ABR: variants seen among roughly 807,000 people sequenced by gnomAD.
ABR encodes active breakpoint cluster region-related protein.
Under a neutral mutation model 107.2 loss-of-function variants are expected in ABR, and 35 were observed. The ratio of observed to expected loss-of-function variants is 0.33; its 90% CI spans 0.25 to 0.43. The LOEUF is 0.43. ABR is among the 20% of genes least tolerant of loss of function. The pLI, the probability that ABR is intolerant of heterozygous loss-of-function variation, is 1.00. For synonymous variants in ABR, 498 were observed against 462.0 expected, an observed-to-expected ratio of 1.08 and a Z score of -1.00; for missense variants, 815 against 1,115.2, an observed-to-expected ratio of 0.73 and a Z score of 3.83.
intron 3 of ABR, among the ~76,000 whole-genome samples, chr17:1,096,026 T>C (rs1406630706): frequency 4.6e-5 from 7 of 152,126 alleles, no homozygotes; most frequent in Non-Finnish European, 1.0e-4. Flanking sequence ...GGCCCCAGCG[T>C]AGCAAGACAC....
rs190022367 is a variant in ABR, at chr17:1,051,564, C to T, written c.1562-930G>A. On this transcript the variant is annotated intron_variant, in intron 14 of 22. Transcript: ENST00000302538. This position sits in a 1 kb window ranked among gnomAD's most constrained non-coding sequence, Gnocchi z 4.3. Reference sequence around the variant, plus strand: ...CCCAGGCCCTCTGCAAACCCACACCCGCCCTGGGCTCGGACCCCAGCAGTC... The same window carrying T: ...CCCAGGCCCTCTGCAAACCCACACCTGCCCTGGGCTCGGACCCCAGCAGTC... Among the ~76,000 whole-genome samples, 16 of 152,334 alleles carry T rather than the reference C, an allele frequency of 1.1e-4. No individual in the cohort carries two copies. Among genetic ancestry groups the T allele is most frequent in the Non-Finnish European group, 8.8e-5 (6 of 68,028 alleles).
intron 10 of ABR, among the ~76,000 whole-genome samples, chr17:1,065,003 T>C (rs2034549542): frequency 1.2e-5 from 1 of 85,848 alleles, no homozygotes; most frequent in Non-Finnish European, 2.5e-5. Flanking sequence ...CATGTTCCTC[T>C]AGACACTGCT....
At chr17:1,091,457 C>T (rs1190202747) in intron 4 of ABR, among the ~76,000 whole-genome samples, 1 of 152,186 alleles carries the variant, frequency 6.6e-6, no homozygotes, top group Non-Finnish European at 1.5e-5. Context: ...CCAGAAGCTC[C>T]CAGGGCTGCA....
chr17:1,012,491 C>T, intron 18 of ABR, 197 bp downstream of exon 18: 1 of 700,574 alleles, frequency 1.4e-6, no homozygotes, highest in South Asian at 1.5e-5. Context: ...CGTTTAGGTG[C>T]TGGCTCGCGT....
intron 1 of ABR, among the ~76,000 whole-genome samples, chr17:1,170,681 C>A (rs1263413640): frequency 6.6e-6 from 1 of 152,078 alleles, no homozygotes; most frequent in African/African-American, 2.4e-5. Context: ...GGTGATCCAC[C>A]CACCTCGGCC....
At chr17:1,019,493 G>A (rs75994136) in intron 16 of ABR, among the ~76,000 whole-genome samples, 1,244 of 23,884 alleles carry the variant, frequency 0.052, 23 homozygotes, top group African/African-American at 0.12. Flanking sequence ...TGGCCCTGGT[G>A]CCTGCTGCAG....
chr17:1,159,359 C>A (rs2041176405), intron 1 of ABR, among the ~76,000 whole-genome samples: 18 of 104,804 alleles, frequency 1.7e-4, no homozygotes, highest in South Asian at 1.4e-3. Flanking sequence ...ATGCGGTACT[C>A]ACACACAGGA....
chr17:1,180,638 G>A (rs2042105095), upstream of ABR, among the ~76,000 whole-genome samples: 1 of 152,222 alleles, frequency 6.6e-6, no homozygotes, highest in Non-Finnish European at 1.5e-5. Flanking sequence ...TTCCCCTCCA[G>A]GACCCCTCCT....
intron 16 of ABR, among the ~76,000 whole-genome samples, chr17:1,018,269 C>T (rs548089432): frequency 2.6e-5 from 4 of 151,090 alleles, no homozygotes; most frequent in African/African-American, 9.7e-5. Flanking sequence ...GTCTTGATCT[C>T]CTGACCTCGT....
At chr17:1,213,267 A>G (rs956937940) in intron 1 of ABR, among the ~76,000 whole-genome samples, 1 of 152,202 alleles carries the variant, frequency 6.6e-6, no homozygotes, top group Non-Finnish European at 1.5e-5. Context: ...TAATTCACCT[A>G]AAGACCATGA....
chr17:1,142,080 A>G (rs1489154837), intron 1 of ABR, among the ~76,000 whole-genome samples: 1 of 151,836 alleles, frequency 6.6e-6, no homozygotes, highest in African/African-American at 2.4e-5. Flanking sequence ...GAATCCTAAG[A>G]TAACTGTTCC....
intron 16 of ABR, among the ~76,000 whole-genome samples, chr17:1,036,478 C>A (rs894627076): frequency 1.3e-5 from 2 of 150,946 alleles, no homozygotes; most frequent in African/African-American, 4.9e-5. Flanking sequence ...GAGAGCAGGG[C>A]GGACCCGAGG....
chr17:1,010,376 T>G lies in ABR; in HGVS notation c.2236+353A>C. ...AACCCATCTCGAGTGCCCTATGGCT[T>G]AAGCCAGCCTCCTCCTTGGTTCTGG... On this transcript the variant is annotated intron_variant, in intron 20 of 22. Coordinates refer to ENST00000302538, the MANE Select transcript of ABR (RefSeq NM_021962.5). This position sits in a 1 kb window ranked among gnomAD's most constrained non-coding sequence, Gnocchi z 4.1. 3.3e-6 allele frequency: 1 copy of G among 299,446 alleles called. No homozygotes were observed. The highest frequency in any genetic ancestry group is 6.4e-6 in the Non-Finnish European group (1 of 156,572). 18.5% of individuals were successfully genotyped at this position (299,446 alleles called of 1,614,324 possible).
At chr17:1,034,669 G>A (rs901950449) in intron 16 of ABR, among the ~76,000 whole-genome samples, 5 of 152,020 alleles carry the variant, frequency 3.3e-5, no homozygotes, top group African/African-American at 1.2e-4. Flanking sequence ...TCCAGCAAAC[G>A]TGCAATGGCT....
chr17:1,009,988 A>G, intron 20 of ABR: 1 of 600,984 alleles, frequency 1.7e-6, no homozygotes, highest in Non-Finnish European at 3.0e-6. Context: ...CTGGTAACTC[A>G]GCCAGGAGGC....
At chr17:1,102,814 G>A (rs1173364562) in intron 2 of ABR, among the ~76,000 whole-genome samples, 4 of 152,150 alleles carry the variant, frequency 2.6e-5, no homozygotes, top group East Asian at 1.9e-4. Context: ...AGGTTCAAGC[G>A]ATTCTCCTGC....
rs556210197 is a variant in ABR at position 1,039,035 on chromosome 17, C to T, written c.1791+11015G>A. On this transcript the variant is annotated intron_variant, in intron 16 of 22. Transcript: ENST00000302538. ...CTCTGAAGGGTCACCCGAGGTTGGC[C>T]GGCTAAGATCAAACCCAGGTCCCGT... 3.5e-4 allele frequency among the ~76,000 whole-genome samples: 53 copies of T among 152,242 alleles called. 1 individual carries two copies. The highest frequency in any genetic ancestry group is 3.4e-3 in the Middle Eastern group (1 of 294).
intron 18 of ABR, chr17:1,012,428 T>A (rs1375007839): frequency 1.5e-6 from 1 of 683,412 alleles, no homozygotes; most frequent in Non-Finnish European, 2.7e-6. Context: ...TGACAGAGCT[T>A]CCCGCTTGTT....
At chr17:1,202,882 G>A (rs1448816395) in intron 1 of ABR, among the ~76,000 whole-genome samples, 1 of 105,930 alleles carries the variant, frequency 9.4e-6, no homozygotes, top group South Asian at 3.8e-4. Flanking sequence ...TGCTGTTTTT[G>A]CCATTACTTT....
Sources: gnomAD v4.1 joint callset for allele counts (sites outside exome capture counted in the v4.1 genomes callset) on GRCh38, gnomAD v4.1.1 for gene constraint, Gnocchi (gnomAD v3.1) non-coding constraint, MANE v1.5 for transcripts, NCBI Gene and HGNC (gene_info 2026-07-23, HGNC 2026-07-21) for gene names.